Variants in L3MBTL3 observed in about 807,000 individuals in gnomAD.
L3MBTL3 encodes L3MBTL histone methyl-lysine binding protein 3.
Under a neutral mutation model 102.3 loss-of-function variants are expected in L3MBTL3, and 27 were observed. That is an observed-to-expected ratio of 0.26 (90% CI 0.19 to 0.36). The LOEUF (loss-of-function observed/expected upper bound fraction) is 0.36, where lower values mean the gene tolerates loss of function less well. L3MBTL3 is among the 10% of genes least tolerant of loss of function. The pLI is 1.00. For missense variants in L3MBTL3, 798 were observed against 955.3 expected (o/e 0.84, Z 2.17); for synonymous variants, 340 against 320.9 (o/e 1.06, Z -0.64).
At chr6:130,136,247 C>T (rs919586920) in intron 22 of L3MBTL3, among the ~76,000 whole-genome samples, 1 of 152,206 alleles carries the variant, frequency 6.6e-6, no homozygotes, top group African/African-American at 2.4e-5. Context: ...CCATGTCACT[C>T]CTCTGTTCAG....
At chr6:130,107,989 T>C (rs888982834) in intron 19 of L3MBTL3, among the ~76,000 whole-genome samples, 1 of 152,168 alleles carries the variant, frequency 6.6e-6, no homozygotes, top group Non-Finnish European at 1.5e-5. Flanking sequence ...CATGGTGTTT[T>C]CTGTTCCTCC....
chr6:130,027,048 C>A (rs1201844211), intron 2 of L3MBTL3, among the ~76,000 whole-genome samples: 1 of 152,126 alleles, frequency 6.6e-6, no homozygotes, highest in Non-Finnish European at 1.5e-5. Flanking sequence ...TGGTGTTATA[C>A]ACTGTAACCA....
intron 2 of L3MBTL3, among the ~76,000 whole-genome samples, chr6:130,028,923 G>A (rs1394114556): frequency 2.6e-5 from 4 of 152,142 alleles, no homozygotes; most frequent in South Asian, 2.1e-4. Context: ...ATTTTCACTG[G>A]AGAATATGAG....
At chr6:130,107,723 T>C (rs184581868) in intron 19 of L3MBTL3, among the ~76,000 whole-genome samples, 82 of 152,376 alleles carry the variant, frequency 5.4e-4, no homozygotes, top group Admixed American at 5.2e-3. Flanking sequence ...TTCTGTTTAG[T>C]ACTGTCTTAG....
chr6:130,041,868 C>G (rs1031421835), intron 2 of L3MBTL3, among the ~76,000 whole-genome samples: 1 of 152,160 alleles, frequency 6.6e-6, no homozygotes, highest in Non-Finnish European at 1.5e-5. Flanking sequence ...GGTATTTAGA[C>G]ACCACAGTCT....
intron 1 of L3MBTL3, among the ~76,000 whole-genome samples, chr6:130,020,153 G>C (rs1449772595): frequency 2.0e-5 from 3 of 151,106 alleles, no homozygotes; most frequent in African/African-American, 7.3e-5. Flanking sequence ...GCCTCGCGCC[G>C]CGTGTGTGTG....
At position 130,077,394 on chromosome 6, in the gene L3MBTL3, G is replaced by T. The variant is rs190299968; in HGVS notation, c.1245-1164G>T. Among the ~76,000 whole-genome samples the T allele has an allele frequency of 1.2e-3, 181 of 151,990 alleles. 1 individual carries two copies. The highest frequency in any genetic ancestry group is 4.0e-3 in the African/African-American group (165 of 41,470). On this transcript the variant is annotated intron_variant, in intron 13 of 22. Transcript: ENST00000361794. ...CTTGGCATTGACCTAGCAGTGCTTG[G>T]TTTTTTTTCATATTCCTAAAATAAT...
rs182616441 is a variant in L3MBTL3, at chr6:130,092,938, T to G, written c.1633+79T>G. ...TTAAGATTTCATCCTTAGCCCTTTC[T>G]TTTTCTCCTCCTCTCTCTACTGATG... On this transcript the variant is annotated intron_variant, in intron 17 of 22. Coordinates refer to ENST00000361794, the MANE Select transcript of L3MBTL3 (RefSeq NM_032438.4). 13 of 849,614 alleles carry G rather than the reference T, an allele frequency of 1.5e-5. No individual in the cohort carries two copies. In the Admixed American group the frequency reaches 2.3e-4, roughly 15 times the overall value. 52.6% of individuals were successfully genotyped at this position (849,614 alleles called of 1,614,324 possible). A position where few individuals can be genotyped will look rare whatever the true frequency, so the allele number is the denominator to read the frequency against.
In L3MBTL3 at chr6:130,141,310, T is replaced by C. The variant is rs577056676; in HGVS notation, c.*1557T>C. On this transcript the variant is annotated 3_prime_UTR_variant, in exon 23 of 23. Coordinates refer to ENST00000361794, the MANE Select transcript of L3MBTL3 (RefSeq NM_032438.4). ...AGTGACATCTGCAGTGTCCCAGTCA[T>C]TTATTTGCATGAATCTGCTTAAATA... 1 of 152,362 alleles carries C rather than the reference T, an allele frequency of 6.6e-6. No homozygotes were observed. The highest frequency in any genetic ancestry group is 2.4e-5 in the African/African-American group (1 of 41,576). The allele number at this position is 152,362 out of a possible 1,614,324, so 9.4% of individuals were successfully genotyped here.
intron 8 of L3MBTL3, 40 bp from the exon 9 acceptor site, chr6:130,057,366 A>G (rs935672217): frequency 6.6e-7 from 1 of 1,525,512 alleles, no homozygotes; most frequent in African/African-American, 1.4e-5. Flanking sequence ...GCTGGCTTAG[A>G]TTTGGAAATT....
chr6:130,087,435 A>G (rs1562299121), intron 16 of L3MBTL3, among the ~76,000 whole-genome samples: 1 of 152,186 alleles, frequency 6.6e-6, no homozygotes, highest in Non-Finnish European at 1.5e-5. Context: ...TACATTTACA[A>G]TTAAGTACAA....
chr6:130,056,787 C>T (rs377061645), intron 8 of L3MBTL3, among the ~76,000 whole-genome samples: 25 of 152,146 alleles, frequency 1.6e-4, no homozygotes, highest in African/African-American at 5.8e-4. Flanking sequence ...TTTTTTTCTT[C>T]TCTTTGTATA....
intron 22 of L3MBTL3, among the ~76,000 whole-genome samples, chr6:130,137,097 A>C (rs936477191): frequency 1.3e-5 from 2 of 152,242 alleles, no homozygotes; most frequent in Non-Finnish European, 2.9e-5. Flanking sequence ...AATATAATAG[A>C]CATTCAGTAT....
At chr6:130,056,248 T>C (rs1203763127) in intron 8 of L3MBTL3, among the ~76,000 whole-genome samples, 1 of 152,102 alleles carries the variant, frequency 6.6e-6, no homozygotes, top group Admixed American at 6.5e-5. Context: ...TTTGTTTCAT[T>C]GTTCCTCAGG....
intron 2 of L3MBTL3, among the ~76,000 whole-genome samples, chr6:130,023,556 G>A (rs1779143985): frequency 2.0e-5 from 3 of 152,144 alleles, no homozygotes; most frequent in African/African-American, 7.2e-5. Flanking sequence ...AAGACTAAAT[G>A]TAATAACTAG....
chr6:130,033,617 C>T (rs765277251), intron 2 of L3MBTL3, among the ~76,000 whole-genome samples: 37 of 152,194 alleles, frequency 2.4e-4, no homozygotes, highest in Admixed American at 2.0e-3. Flanking sequence ...TGACACCAGG[C>T]GCTGATCTCA....
chr6:130,074,182 T>G (rs1782810312), intron 13 of L3MBTL3, among the ~76,000 whole-genome samples: 1 of 152,222 alleles, frequency 6.6e-6, no homozygotes, highest in East Asian at 1.9e-4. Context: ...TCTTTATCTC[T>G]TTTTTACATT....
At chr6:130,018,703 T>A (rs1778721806) in intron 1 of L3MBTL3, 39 bp downstream of exon 1, 3 of 152,362 alleles carry the variant, frequency 2.0e-5, no homozygotes. Context: ...CTAATTAATC[T>A]GAAGATTTGT....
At chr6:130,057,822 T>C (rs1400127455) in intron 9 of L3MBTL3, among the ~76,000 whole-genome samples, 1 of 152,176 alleles carries the variant, frequency 6.6e-6, no homozygotes, top group African/African-American at 2.4e-5. Context: ...GGAAATTTCA[T>C]GTCAACATTG....
Sources: allele counts gnomAD v4.1 joint callset (sites outside exome capture counted in the v4.1 genomes callset), GRCh38; gene constraint gnomAD v4.1.1; transcripts MANE v1.5; gene names NCBI Gene and HGNC (gene_info 2026-07-23, HGNC 2026-07-21).